Variants in KIF9 observed in about 807,000 individuals in gnomAD.
KIF9 encodes the protein kinesin family member 9, also known as kinesin-like protein KIF9.
KIF9 carries 68 observed loss-of-function variants against 94.8 expected under a neutral mutation model. That is an observed-to-expected ratio of 0.72 (90% CI 0.59 to 0.88). KIF9 has a LOEUF of 0.88. Among genes scored for constraint, KIF9 ranks in the 40% least tolerant of loss-of-function variants. KIF9 has a pLI of 0.00. For missense variants in KIF9, 882 were observed against 982.5 expected, an observed-to-expected ratio of 0.90 and a Z score of 1.37; for synonymous variants, 343 against 362.1, an observed-to-expected ratio of 0.95 and a Z score of 0.60.
intron 17 of KIF9, among the ~76,000 whole-genome samples, chr3:47,237,753 A>C (rs1699141796): frequency 6.6e-6 from 1 of 152,230 alleles, no homozygotes; most frequent in Non-Finnish European, 1.5e-5. Context: ...ATTGAGAAAA[A>C]AGTGAGACAC....
At chr3:47,252,656 G>A (rs533318445) in intron 10 of KIF9, among the ~76,000 whole-genome samples, 4 of 152,000 alleles carry the variant, frequency 2.6e-5, no homozygotes, top group African/African-American at 4.8e-5. Context: ...CAGGTACAAC[G>A]TCCACCCAGC....
chr3:47,235,736 A>C, intron 19 of KIF9, 119 bp from the exon 20 acceptor site: 1 of 779,510 alleles, frequency 1.3e-6, no homozygotes, highest in Non-Finnish European at 2.2e-6. Flanking sequence ...ACCGCCACCA[A>C]AAGGGCATCT....
intron 8 of KIF9, among the ~76,000 whole-genome samples, chr3:47,265,120 A>C (rs891628738): frequency 2.6e-5 from 4 of 152,200 alleles, no homozygotes; most frequent in Non-Finnish European, 5.9e-5. Flanking sequence ...GAGGACACAC[A>C]CATCTGTGAG....
intron 10 of KIF9, among the ~76,000 whole-genome samples, chr3:47,253,392 G>A (rs975323677): frequency 2.6e-5 from 4 of 152,054 alleles, no homozygotes; most frequent in African/African-American, 7.2e-5. Flanking sequence ...CTGGCCTCAA[G>A]TGACCCGCCT....
At chr3:47,231,404 C>CTTTTTT (rs34079988) in intron 20 of KIF9, among the ~76,000 whole-genome samples, 1 of 79,810 alleles carries the variant, frequency 1.3e-5, no homozygotes, top group Non-Finnish European at 2.2e-5. Context: ...TCAGTATCTA[C>CTTTTTT]TTTTTTTTTT....
At chr3:47,247,978 C>T in intron 11 of KIF9, 40 bp downstream of exon 11, 1 of 1,518,508 alleles carries the variant, frequency 6.6e-7, no homozygotes, top group Non-Finnish European at 9.1e-7. Context: ...ACCCCCTACC[C>T]CAGCACCTCT....
intron 5 of KIF9, among the ~76,000 whole-genome samples, chr3:47,270,940 A>G (rs1701606222): frequency 6.8e-6 from 1 of 146,968 alleles, no homozygotes; most frequent in Non-Finnish European, 1.5e-5. Context: ...AGAGTTCAAG[A>G]CCAGCCTGGG....
Position 47,243,008 on chromosome 3 carries a change from G to C in KIF9, c.1709+43C>G, listed in dbSNP as rs151231140. 2.9e-5 allele frequency: 43 copies of C among 1,486,972 alleles called. No homozygotes were observed. The African/African-American group carries it at 5.4e-4, about 19-fold the overall frequency. 92.1% of individuals were successfully genotyped at this position (1,486,972 alleles called of 1,614,324 possible). ...TCTTCACATGTTGAGGATCACATAT[G>C]GTTTTGTTTGATCTGGTGCAGAAGC... On this transcript the variant is annotated intron_variant, in intron 16 of 20. Transcript: ENST00000684063.
intron 16 of KIF9, among the ~76,000 whole-genome samples, chr3:47,242,690 A>AT (rs1181365968): frequency 2.0e-5 from 3 of 152,202 alleles, no homozygotes; most frequent in Admixed American, 6.5e-5. Context: ...TTAAAAACTC[A>AT]TGAGGGAGAG....
At chr3:47,281,139 T>C in intron 1 of KIF9, 1 of 658,668 alleles carries the variant, frequency 1.5e-6, no homozygotes. Context: ...GTGATGGTAA[T>C]GGCTGGAAGT....
At chr3:47,236,740 G>T in intron 17 of KIF9, 121 bp from the exon 18 acceptor site, 1 of 845,248 alleles carries the variant, frequency 1.2e-6, no homozygotes, top group Non-Finnish European at 1.9e-6. Context: ...CCACAGGCAG[G>T]GCTGGCCCAT....
chr3:47,230,712 C>G (rs1559413129), intron 20 of KIF9, among the ~76,000 whole-genome samples: 1 of 150,420 alleles, frequency 6.6e-6, no homozygotes, highest in East Asian at 2.0e-4. Context: ...GCCTAGGTGA[C>G]AGAGGAAGAC....
Position 47,244,799 on chromosome 3 carries a change from C to T in KIF9, c.1506G>A (p.Glu502=). Residue 502 remains glutamate, a synonymous_variant, in exon 15 of 21, where the codon GAG becomes GAA. Transcript: ENST00000684063. Reference sequence around the variant, plus strand: ...GCGGCAAGGTCACTCACCTGAGTGGCTCTTTGAATGTCTTCTTGGACTTGG... The same window carrying T: ...GCGGCAAGGTCACTCACCTGAGTGGTTCTTTGAATGTCTTCTTGGACTTGG... ...KKAKSKKTFK[E]PLSSLARKEG... 6.2e-7 allele frequency: 1 copy of T among 1,613,888 alleles called. No homozygotes were observed. The highest frequency in any genetic ancestry group is 8.5e-7 in the Non-Finnish European group (1 of 1,180,026).
chr3:47,235,453 T>C (rs1410029075), intron 20 of KIF9, 60 bp downstream of exon 20: 2 of 1,152,982 alleles, frequency 1.7e-6, no homozygotes, highest in East Asian at 2.3e-5. Flanking sequence ...GGGAATATGA[T>C]CCTGGGTTTC....
chr3:47,279,299 CCT>C (rs1469789945), intron 1 of KIF9, among the ~76,000 whole-genome samples: 7 of 151,426 alleles, frequency 4.6e-5, no homozygotes, highest in Non-Finnish European at 1.5e-5. Context: ...ATGACGAAAC[CCT>C]GTTTCCACTA....
intron 10 of KIF9, among the ~76,000 whole-genome samples, chr3:47,257,235 A>G (rs1700679535): frequency 6.6e-6 from 1 of 152,192 alleles, no homozygotes; most frequent in Non-Finnish European, 1.5e-5. Flanking sequence ...CCCATTTCTA[A>G]TAAGTTCTTT....
At chr3:47,270,270 T>G (rs1296195028) in intron 5 of KIF9, among the ~76,000 whole-genome samples, 6 of 151,582 alleles carry the variant, frequency 4.0e-5, no homozygotes, top group Non-Finnish European at 8.8e-5. Context: ...TTTTTTTTTT[T>G]GAGAAGGAGT....
Position 47,273,667 on chromosome 3 carries a change from A to G in KIF9, c.260-9T>C. 1 of 1,609,866 alleles carries G rather than the reference A, an allele frequency of 6.2e-7. No individual in the cohort carries two copies. Among genetic ancestry groups the G allele is most frequent in the South Asian group, 1.1e-5 (1 of 90,604 alleles). On this transcript the variant is annotated splice_polypyrimidine_tract_variant and intron_variant, in intron 3 of 20. Coordinates refer to ENST00000684063, the MANE Select transcript of KIF9 (RefSeq NM_182902.4). ...ATAACACATGATGGTGCCTGCAAAC[A>G]TTTCAAAACACGGTGACATCCAGGA...
At position 47,245,096 on chromosome 3, in the gene KIF9, C is replaced by T. The variant is rs553764425; in HGVS notation, c.1381-172G>A. On this transcript the variant is annotated intron_variant, in intron 14 of 20. Transcript: ENST00000684063. Reference sequence around the variant, plus strand: ...TGTCCCCTGTAGAGCGGTCCCTGACCACTCTGCCAAATGTCCACTTTCCAC... The same window carrying T: ...TGTCCCCTGTAGAGCGGTCCCTGACTACTCTGCCAAATGTCCACTTTCCAC... The T allele has an allele frequency of 1.4e-4, 111 of 794,286 alleles. 2 individuals carry two copies. In the South Asian group the frequency reaches 2.0e-3, roughly 14 times the overall value. 49.2% of individuals were successfully genotyped at this position (794,286 alleles called of 1,614,324 possible).
Sources: allele counts gnomAD v4.1 joint callset (sites outside exome capture counted in the v4.1 genomes callset), GRCh38; gene constraint gnomAD v4.1.1; transcripts MANE v1.5; gene names NCBI Gene and HGNC (gene_info 2026-07-23, HGNC 2026-07-21).